CTBP1: variants seen among roughly 807,000 people sequenced by gnomAD.
CTBP1 encodes C-terminal-binding protein 1.
Under a neutral mutation model 42.1 loss-of-function variants are expected in CTBP1, and 11 were observed. The observed-to-expected ratio is 0.26, with a 90% confidence interval of 0.16 to 0.43. The LOEUF is 0.43. Ranked by LOEUF, CTBP1 falls within the 20% of genes least tolerant of loss-of-function variation. CTBP1 has a pLI of 1.00. For synonymous variants in CTBP1, 324 were observed against 277.1 expected (o/e 1.17, Z -1.68); for missense variants, 399 against 624.3 (o/e 0.64, Z 3.85).
chr4:1,246,312 C>T (rs527647387), intron 1 of CTBP1, among the ~76,000 whole-genome samples: 1 of 152,292 alleles, frequency 6.6e-6, no homozygotes, highest in East Asian at 1.9e-4. Context: ...TTGGGCGATG[C>T]AGTTCAACCA....
chr4:1,225,902 G>A (rs976660934), intron 4 of CTBP1, among the ~76,000 whole-genome samples: 4 of 151,828 alleles, frequency 2.6e-5, no homozygotes, highest in Admixed American at 6.6e-5. Context: ...GTGTCTCCCC[G>A]CGTCACCTCG....
At chr4:1,215,944 G>A (rs1169126453) in intron 6 of CTBP1, 47 bp downstream of exon 6, 7 of 1,553,658 alleles carry the variant, frequency 4.5e-6, no homozygotes, top group Non-Finnish European at 6.1e-6. Flanking sequence ...ACCCCCACCT[G>A]TACCTGCCCC....
In CTBP1 at chr4:1,225,379, G is replaced by A. The variant is rs988524723; in HGVS notation, c.495C>T (p.Thr165=). 1 of 1,563,648 alleles carries A rather than the reference G, an allele frequency of 6.4e-7. No homozygotes were observed. The highest frequency in any genetic ancestry group is 1.8e-5 in the Admixed American group (1 of 54,506). ...ACGCACCAAGTCCGATGATGCCCAA[G>A]GTCTCCCCGCGGATCCTGGCAGCGC... ...ASGAARIRGE[T]LGIIGLGRVG... The change falls in exon 5 of 10, where the codon ACC becomes ACT. Residue 165 remains threonine, a synonymous_variant. Coordinates refer to ENST00000382952, the MANE Select transcript of CTBP1 (RefSeq NM_001012614.2).
chr4:1,244,933 G>A, intron 1 of CTBP1: 2 of 985,450 alleles, frequency 2.0e-6, no homozygotes, highest in Non-Finnish European at 2.4e-6. Flanking sequence ...CTGAGATACA[G>A]CCACCTGCCG....
intron 5 of CTBP1, among the ~76,000 whole-genome samples, chr4:1,223,240 G>A (rs1487869995): frequency 6.6e-6 from 1 of 152,178 alleles, no homozygotes; most frequent in South Asian, 2.1e-4. Flanking sequence ...CATAGGAGGG[G>A]CCGCCCAGGC....
At chr4:1,241,205 C>T (rs1732141928) in intron 2 of CTBP1, 120 bp downstream of exon 2, 5 of 768,002 alleles carry the variant, frequency 6.5e-6, no homozygotes, top group South Asian at 1.4e-5. Flanking sequence ...GGCAGCAGTC[C>T]GGCCCGACGC....
intron 1 of CTBP1, chr4:1,248,696 C>A: frequency 1.0e-6 from 1 of 982,140 alleles, no homozygotes; most frequent in Non-Finnish European, 1.2e-6. Flanking sequence ...CAGACTGCGG[C>A]GCTCGCGCAC....
At chr4:1,212,635 A>C in intron 9 of CTBP1, 1 of 612,796 alleles carries the variant, frequency 1.6e-6, no homozygotes, top group Non-Finnish European at 2.8e-6. Context: ...TGACTTGAAC[A>C]TGAGGTCTTC....
chr4:1,242,572 G>C (rs1280698894), intron 1 of CTBP1: 5 of 985,314 alleles, frequency 5.1e-6, no homozygotes, highest in African/African-American at 1.7e-5. Flanking sequence ...CCAGCTTCCA[G>C]AGACACCATC....
At position 1,236,862 on chromosome 4, in the gene CTBP1, G is replaced by A. The variant is rs1336959847; in HGVS notation, c.162+1321C>T. 5.1e-5 allele frequency: 33 copies of A among 648,694 alleles called. No individual in the cohort carries two copies. The South Asian group carries it at 5.5e-4, about 11-fold the overall frequency. The allele number at this position is 648,694 out of a possible 1,614,324, so 40.2% of individuals were successfully genotyped here. A position where few individuals can be genotyped will look rare whatever the true frequency, so the allele number is the denominator to read the frequency against. On this transcript the variant is annotated intron_variant, in intron 3 of 9. Coordinates refer to ENST00000382952, the MANE Select transcript of CTBP1 (RefSeq NM_001012614.2). ...AGGACAAACCCGGTGTCCACCTCCT[G>A]ATGGGGCTCAGGGCAAACCGAATGT... is the stretch of plus-strand genomic sequence containing the variant.
At chr4:1,215,928 C>T in intron 6 of CTBP1, 63 bp downstream of exon 6, 2 of 1,517,848 alleles carry the variant, frequency 1.3e-6, no homozygotes, top group Non-Finnish European at 1.8e-6. Context: ...GAGGGACCTG[C>T]CTGACACCCC....
chr4:1,237,640 C>T lies in CTBP1; in HGVS notation c.162+543G>A, dbSNP rs562680196. 211 of 595,882 alleles carry T rather than the reference C, an allele frequency of 3.5e-4. 1 individual carries two copies. The highest frequency in any genetic ancestry group is 3.1e-3 in the African/African-American group (153 of 48,750). 36.9% of individuals were successfully genotyped at this position (595,882 alleles called of 1,614,324 possible). ...CTCCTGATGGGGCTCAGGACAAACC[C>T]CGTGTCCACCTCCTGATGGGGCTCA... On this transcript the variant is annotated intron_variant, in intron 3 of 9. Coordinates refer to ENST00000382952, the MANE Select transcript of CTBP1 (RefSeq NM_001012614.2).
intron 2 of CTBP1, among the ~76,000 whole-genome samples, chr4:1,240,232 G>GCC (rs1214413860): frequency 5.0e-4 from 66 of 132,716 alleles, no homozygotes; most frequent in Non-Finnish European, 7.4e-4. Flanking sequence ...CGTCGGAACC[G>GCC]TGTGGGGCAC....
At chr4:1,220,441 T>G (rs535073082) in intron 5 of CTBP1, among the ~76,000 whole-genome samples, 94 of 152,336 alleles carry the variant, frequency 6.2e-4, no homozygotes, top group African/African-American at 2.2e-3. Context: ...AGAGATCATA[T>G]TTATGTCCCG....
chr4:1,216,805 C>T (rs938918214), intron 5 of CTBP1: 1 of 159,226 alleles, frequency 6.3e-6, no homozygotes, highest in Non-Finnish European at 1.4e-5. Flanking sequence ...GCACAGGAGC[C>T]GTGGAGCTTG....
In CTBP1 at chr4:1,238,393, C is replaced by A; in HGVS notation, c.8-56G>T. On this transcript the variant is annotated intron_variant, in intron 2 of 9. Coordinates refer to ENST00000382952, the MANE Select transcript of CTBP1 (RefSeq NM_001012614.2). This position sits in a 1 kb window ranked among gnomAD's most constrained non-coding sequence, Gnocchi z 5.9. ...CACCACTGCGGCCCCGTGGCTACAA[C>A]CCACTCCACGCCACCCACTGTGCAC... is the stretch of plus-strand genomic sequence containing the variant. 6.7e-7 allele frequency: 1 copy of A among 1,503,378 alleles called. No individual in the cohort carries two copies. The highest frequency in any genetic ancestry group is 8.8e-7 in the Non-Finnish European group (1 of 1,130,290). 93.1% of individuals were successfully genotyped at this position (1,503,378 alleles called of 1,614,324 possible). A position where few individuals can be genotyped will look rare whatever the true frequency, so the allele number is the denominator to read the frequency against.
chr4:1,248,309 G>A (rs1296353899), intron 1 of CTBP1, among the ~76,000 whole-genome samples: 4 of 151,800 alleles, frequency 2.6e-5, no homozygotes, highest in Non-Finnish European at 5.9e-5. Flanking sequence ...GTCACCGCCG[G>A]GGGCTGCGCT....
intron 5 of CTBP1, 21 bp from the exon 6 acceptor site, chr4:1,216,226 T>C: frequency 3.8e-6 from 6 of 1,598,902 alleles, no homozygotes; most frequent in South Asian, 2.2e-5. Context: ...CAAGACACAG[T>C]GTGAGACCCT....
intron 1 of CTBP1, among the ~76,000 whole-genome samples, chr4:1,247,649 A>G (rs1414898115): frequency 6.6e-6 from 1 of 152,000 alleles, no homozygotes; most frequent in Non-Finnish European, 1.5e-5. Context: ...CGCAAAGGCC[A>G]CGCGCTAGGA....
Sources: gnomAD v4.1 joint callset for allele counts (sites outside exome capture counted in the v4.1 genomes callset) on GRCh38, gnomAD v4.1.1 for gene constraint, Gnocchi (gnomAD v3.1) non-coding constraint, MANE v1.5 for transcripts, NCBI Gene and HGNC (gene_info 2026-07-23, HGNC 2026-07-21) for gene names.